The following MLXIP variants were observed in gnomAD, a reference collection of about 807,000 sequenced individuals.
MLXIP encodes the protein MLX interacting protein.
A neutral mutation model predicts 87.2 loss-of-function variants in MLXIP; 30 were observed. That is an observed-to-expected ratio of 0.34 (90% CI 0.26 to 0.47). MLXIP has a LOEUF of 0.47. Ranked by LOEUF, MLXIP falls within the 20% of genes least tolerant of loss-of-function variation. MLXIP has a pLI of 1.00. For missense variants in MLXIP, 1,002 were observed against 1,240.1 expected (o/e 0.81, Z 2.88); for synonymous variants, 530 against 514.0 (o/e 1.03, Z -0.42).
At chr12:122,101,741 C>T (rs1177601602) in intron 1 of MLXIP, among the ~76,000 whole-genome samples, 3 of 151,830 alleles carry the variant, frequency 2.0e-5, no homozygotes, top group Non-Finnish European at 4.4e-5. Flanking sequence ...CCACCATGCC[C>T]AGCTACTTTT....
intron 9 of MLXIP, chr12:122,134,203 T>TG: frequency 9.9e-6 from 6 of 603,744 alleles, no homozygotes; most frequent in Non-Finnish European, 7.6e-6. Flanking sequence ...TTTTTTTGTT[T>TG]GGTTTTTTTT....
chr12:122,098,709 T>G (rs1952392247), intron 1 of MLXIP, among the ~76,000 whole-genome samples: 1 of 152,224 alleles, frequency 6.6e-6, no homozygotes, highest in South Asian at 2.1e-4. Context: ...GGGCAGGTTT[T>G]TCAGCTGGCT....
intron 1 of MLXIP, among the ~76,000 whole-genome samples, chr12:122,121,010 G>GTTTTTTTTTTTTGTTTTTTTT (rs1952772283): frequency 1.8e-5 from 2 of 111,910 alleles, no homozygotes; most frequent in Admixed American, 1.0e-4. Flanking sequence ...TGCATGCTTG[G>GTTTTTTTTTTTTGTTTTTTTT]TTTTTTTTTT....
chr12:122,090,168 T>C (rs905045542), intron 1 of MLXIP, among the ~76,000 whole-genome samples: 2 of 152,158 alleles, frequency 1.3e-5, no homozygotes, highest in African/African-American at 4.8e-5. Flanking sequence ...TGCCACAACA[T>C]GGATGAATCT....
intron 1 of MLXIP, among the ~76,000 whole-genome samples, chr12:122,115,249 C>T (rs28498002): frequency 0.5 from 76,576 of 151,636 alleles, 19,829 homozygotes; most frequent in Middle Eastern, 0.64. Context: ...AATCTCTGAA[C>T]GGGTGGGAGG....
chr12:122,120,794 G>A (rs1952766343), intron 1 of MLXIP, among the ~76,000 whole-genome samples: 1 of 152,008 alleles, frequency 6.6e-6, no homozygotes, highest in African/African-American at 2.4e-5. Flanking sequence ...TACCTGTCCT[G>A]CAGCACTCAC....
At chr12:122,084,739 G>T (rs1321561980) in intron 1 of MLXIP, among the ~76,000 whole-genome samples, 2 of 152,026 alleles carry the variant, frequency 1.3e-5, no homozygotes, top group East Asian at 3.9e-4. Context: ...GTAGAGACAG[G>T]ATTTTGCCAT....
intron 1 of MLXIP, among the ~76,000 whole-genome samples, chr12:122,094,594 T>A (rs964252805): frequency 4.2e-5 from 6 of 143,174 alleles, no homozygotes; most frequent in African/African-American, 1.6e-4. Context: ...TTGGTGTGTG[T>A]GTTGGTGTTG....
intron 1 of MLXIP, among the ~76,000 whole-genome samples, chr12:122,080,738 G>A (rs1347547468): frequency 6.6e-6 from 1 of 152,182 alleles, no homozygotes; most frequent in Admixed American, 6.5e-5. Flanking sequence ...AAATGGTGTT[G>A]AGGCTGCAGC....
intron 15 of MLXIP, among the ~76,000 whole-genome samples, chr12:122,140,377 G>A (rs1240321414): frequency 6.6e-6 from 1 of 151,998 alleles, no homozygotes; most frequent in East Asian, 1.9e-4. Flanking sequence ...GCTCACTGCA[G>A]CCTCCGCCTC....
rs528329313 is a variant in MLXIP, at chr12:122,102,645, T to C, written c.413+23379T>C. On this transcript the variant is annotated intron_variant, in intron 1 of 16. Transcript: ENST00000319080. ...AAGTATTAATCATAACAGCCAAAAGTTGGAAATAGTCTAAATGTCCACCAG... is the reference window on the plus strand; with the variant it reads ...AAGTATTAATCATAACAGCCAAAAGCTGGAAATAGTCTAAATGTCCACCAG... Among the ~76,000 whole-genome samples, 483 of 152,290 alleles carry C rather than the reference T, an allele frequency of 3.2e-3. 5 individuals are homozygous for C. The highest frequency in any genetic ancestry group is 0.011 in the African/African-American group (465 of 41,568).
chr12:122,121,015 T>TTTTTTTG (rs1415834186), intron 1 of MLXIP, among the ~76,000 whole-genome samples: 2 of 93,496 alleles, frequency 2.1e-5, no homozygotes, highest in East Asian at 2.8e-4. Flanking sequence ...GCTTGGTTTT[T>TTTTTTTG]TTTTTTTTTT....
chr12:122,115,130 CT>C (rs1349230153), intron 1 of MLXIP, among the ~76,000 whole-genome samples: 1 of 152,010 alleles, frequency 6.6e-6, no homozygotes, highest in Non-Finnish European at 1.5e-5. Context: ...GGTGAGTTTG[CT>C]TTTGTTCTTT....
intron 1 of MLXIP, among the ~76,000 whole-genome samples, chr12:122,094,891 G>GT (rs1952325139): frequency 6.7e-6 from 1 of 148,398 alleles, no homozygotes; most frequent in Admixed American, 6.7e-5. Flanking sequence ...TGGTACGTAT[G>GT]GGGAGTGTGT....
rs934155625 is a variant in MLXIP, at chr12:122,142,395, C to T, written c.*583C>T. 1.2e-5 allele frequency: 6 copies of T among 500,290 alleles called. No homozygotes were observed. The highest frequency in any genetic ancestry group is 2.3e-5 in the Non-Finnish European group (6 of 258,154). 31.0% of individuals were successfully genotyped at this position (500,290 alleles called of 1,614,324 possible). On this transcript the variant is annotated 3_prime_UTR_variant, in exon 17 of 17. Coordinates refer to ENST00000319080, the MANE Select transcript of MLXIP (RefSeq NM_014938.6). ...ATGGCAGGCTGCCAGGGGGAAGTGC[C>T]TTCTTCAGAGGTCCTCCAGGACACA... is the stretch of plus-strand genomic sequence containing the variant.
intron 1 of MLXIP, among the ~76,000 whole-genome samples, chr12:122,085,185 T>C (rs1021894485): frequency 2.0e-5 from 3 of 152,112 alleles, no homozygotes; most frequent in Non-Finnish European, 4.4e-5. Flanking sequence ...AACCCTGTGC[T>C]TCCCAGAGTG....
intron 1 of MLXIP, among the ~76,000 whole-genome samples, chr12:122,117,079 T>G (rs1952703498): frequency 6.6e-6 from 1 of 152,160 alleles, no homozygotes; most frequent in African/African-American, 2.4e-5. Context: ...AAGACAAACA[T>G]ACACCCTCAC....
intron 1 of MLXIP, among the ~76,000 whole-genome samples, chr12:122,088,840 T>A (rs1229650633): frequency 4.6e-5 from 7 of 151,782 alleles, no homozygotes; most frequent in Non-Finnish European, 1.0e-4. Context: ...ATTAGCCTAG[T>A]TTTCGGATAT....
At position 122,133,212 on chromosome 12, in the gene MLXIP, C is replaced by A; in HGVS notation, c.1093-136C>A. On this transcript the variant is annotated intron_variant, in intron 8 of 16. Transcript: ENST00000319080. This position sits in a 1 kb window ranked among gnomAD's most constrained non-coding sequence, Gnocchi z 4.9. Reference sequence around the variant, plus strand: ...ACACAAATCCCTATCAGATCAGCAGCCATGGACGTGGAGACGTGGCCTTTG... The same window carrying A: ...ACACAAATCCCTATCAGATCAGCAGACATGGACGTGGAGACGTGGCCTTTG... The A allele has an allele frequency of 5.3e-6, 5 of 939,796 alleles. No homozygotes were observed. The highest frequency in any genetic ancestry group is 3.0e-4 in the Middle Eastern group (1 of 3,362). The allele number at this position is 939,796 out of a possible 1,614,324, so 58.2% of individuals were successfully genotyped here.
Sources: gnomAD v4.1 joint callset for allele counts (sites outside exome capture counted in the v4.1 genomes callset) on GRCh38, gnomAD v4.1.1 for gene constraint, Gnocchi (gnomAD v3.1) non-coding constraint, MANE v1.5 for transcripts, NCBI Gene and HGNC (gene_info 2026-07-23, HGNC 2026-07-21) for gene names.